Variants in CACNA1C observed in about 807,000 individuals in gnomAD.
CACNA1C encodes voltage-dependent L-type calcium channel subunit alpha-1C.
A neutral mutation model predicts 229.0 loss-of-function variants in CACNA1C; 30 were observed. The observed-to-expected ratio is 0.13, with a 90% confidence interval of 0.10 to 0.18. CACNA1C has a LOEUF of 0.18. Among genes scored for constraint, CACNA1C ranks in the 10% least tolerant of loss-of-function variants. The pLI is 1.00. For synonymous variants in CACNA1C, 1,114 were observed against 1,132.5 expected, an observed-to-expected ratio of 0.98 and a Z score of 0.33; for missense variants, 1,658 against 2,845.0, an observed-to-expected ratio of 0.58 and a Z score of 9.49.
At chr12:2,028,357 A>G (rs924735884) in intron 1 of CACNA1C, among the ~76,000 whole-genome samples, 1 of 152,182 alleles carries the variant, frequency 6.6e-6, no homozygotes. Flanking sequence ...CATTGATTAA[A>G]TCATTGGAAA....
chr12:2,023,602 G>A (rs537479424), intron 1 of CACNA1C, among the ~76,000 whole-genome samples: 3 of 152,280 alleles, frequency 2.0e-5, no homozygotes, highest in African/African-American at 7.2e-5. Context: ...AGGAATGCAG[G>A]TTTCACAAAA....
intron 1 of CACNA1C, among the ~76,000 whole-genome samples, chr12:2,070,271 A>G (rs915795295): frequency 8.5e-5 from 13 of 152,260 alleles, no homozygotes; most frequent in African/African-American, 3.1e-4. Flanking sequence ...GGCCTTGCAT[A>G]TGAAACTACT....
At chr12:2,441,205 C>T (rs943203220) in intron 3 of CACNA1C, among the ~76,000 whole-genome samples, 3 of 152,174 alleles carry the variant, frequency 2.0e-5, no homozygotes, top group African/African-American at 7.2e-5. Flanking sequence ...TCTAGGTGGG[C>T]ACACACAAGC....
intron 7 of CACNA1C, among the ~76,000 whole-genome samples, chr12:2,496,065 C>T (rs931328507): frequency 1.4e-4 from 22 of 152,206 alleles, no homozygotes; most frequent in Admixed American, 7.2e-4. Context: ...TAGCATCAAA[C>T]ATAGAGCTTT....
intron 1 of CACNA1C, chr12:1,993,386 G>A (rs781574387): frequency 2.5e-6 from 4 of 1,609,908 alleles, no homozygotes; most frequent in Admixed American, 3.4e-5. Context: ...CTTTGGAGAA[G>A]CAGACCTAAA....
intron 11 of CACNA1C, among the ~76,000 whole-genome samples, chr12:2,561,696 G>A (rs1310900344): frequency 6.6e-6 from 1 of 152,158 alleles, no homozygotes; most frequent in Non-Finnish European, 1.5e-5. Flanking sequence ...AGAAGGGCAG[G>A]TGGAGCTGGG....
intron 1 of CACNA1C, among the ~76,000 whole-genome samples, chr12:2,043,642 CTTTTTTTTTTT>C (rs67625680): frequency 1.1e-5 from 1 of 91,382 alleles, no homozygotes; most frequent in Non-Finnish European, 2.0e-5. Flanking sequence ...ACAGAATATT[CTTTTTTTTTTT>C]TTTTTTTTTT....
intron 34 of CACNA1C, among the ~76,000 whole-genome samples, chr12:2,663,238 A>G (rs1304014111): frequency 1.3e-5 from 2 of 152,228 alleles, no homozygotes; most frequent in Non-Finnish European, 2.9e-5. Context: ...TAACTAACAA[A>G]GGGTTAAGAA....
At position 2,223,672 on chromosome 12, in the gene CACNA1C, T is replaced by C. The variant is rs1470531592; in HGVS notation, c.477+103242T>C. Among the ~76,000 whole-genome samples the C allele has an allele frequency of 2.0e-5, 3 of 152,208 alleles. No homozygotes were observed. The East Asian group carries it at 5.8e-4, about 29-fold the overall frequency. On this transcript the variant is annotated intron_variant, in intron 3 of 46. Transcript: ENST00000399655. ...ATCTCTCTGACTCTAAGACTCCTGC[T>C]CTGAAGTCCTCCATTATCCTTCCTC...
chr12:2,097,488 C>T (rs774247609), intron 1 of CACNA1C, among the ~76,000 whole-genome samples: 9 of 152,114 alleles, frequency 5.9e-5, no homozygotes, highest in Non-Finnish European at 1.2e-4. Context: ...TTTTCCATAG[C>T]GGTTGCACCA....
intron 29 of CACNA1C, among the ~76,000 whole-genome samples, chr12:2,619,675 C>G (rs2082317717): frequency 2.0e-5 from 3 of 152,120 alleles, no homozygotes; most frequent in Non-Finnish European, 4.4e-5. Context: ...ACCATTCCCT[C>G]TCTTTCTCGG....
intron 1 of CACNA1C, among the ~76,000 whole-genome samples, chr12:1,988,819 A>G (rs1232620212): frequency 1.3e-5 from 2 of 152,214 alleles, no homozygotes; most frequent in Non-Finnish European, 2.9e-5. Context: ...TATTTATAGC[A>G]GTTTTTCCCA....
At chr12:2,106,251 C>G (rs12812822) in intron 1 of CACNA1C, among the ~76,000 whole-genome samples, 2 of 53,490 alleles carry the variant, frequency 3.7e-5, no homozygotes, top group South Asian at 7.0e-4. Flanking sequence ...GCTGGGCGTC[C>G]TGAAGCCACT....
intron 3 of CACNA1C, among the ~76,000 whole-genome samples, chr12:2,312,611 G>A (rs984608913): frequency 6.6e-6 from 1 of 152,144 alleles, no homozygotes. Flanking sequence ...CTGGGTGTCT[G>A]CTTTGGGTGT....
At chr12:2,573,027 C>A (rs1339606050) in intron 13 of CACNA1C, among the ~76,000 whole-genome samples, 1 of 150,536 alleles carries the variant, frequency 6.6e-6, no homozygotes, top group African/African-American at 2.4e-5. Context: ...CCTCCTTCTT[C>A]TTCCTTTTCT....
At chr12:2,142,474 G>T (rs577614001) in intron 3 of CACNA1C, among the ~76,000 whole-genome samples, 2 of 151,378 alleles carry the variant, frequency 1.3e-5, no homozygotes, top group African/African-American at 4.8e-5. Flanking sequence ...ACTGATTTAC[G>T]TATTTACTGT....
chr12:2,536,267 C>A (rs547094175), intron 9 of CACNA1C, among the ~76,000 whole-genome samples: 1 of 152,166 alleles, frequency 6.6e-6, no homozygotes, highest in African/African-American at 2.4e-5. Flanking sequence ...GCTTTGTGAA[C>A]GGCAAAGAAC....
intron 8 of CACNA1C, among the ~76,000 whole-genome samples, chr12:2,506,705 G>A (rs544848541): frequency 1.3e-5 from 2 of 152,304 alleles, no homozygotes; most frequent in South Asian, 4.2e-4. Context: ...CTGGTAAGTA[G>A]CAGAACCAGA....
rs1569148521 is a variant in CACNA1C, at chr12:2,667,279, A to ACTCCGTGCTCCTTTTCTCCCTCCT, written c.4623+501_4623+502insGTGCTCCTTTTCTCCCTCCTCTCC. Among the ~76,000 whole-genome samples the ACTCCGTGCTCCTTTTCTCCCTCCT allele has an allele frequency of 1.3e-4, 20 of 151,672 alleles. 1 individual carries two copies. The highest frequency in any genetic ancestry group is 4.6e-4 in the African/African-American group (19 of 41,298). ...TTTCTCCCTCCCCTCCACCATGGCC[A>ACTCCGTGCTCCTTTTCTCCCTCCT]CTCCACGCTCCTTTTCTCCCTCCTC... On this transcript the variant is annotated intron_variant, in intron 37 of 46. Coordinates refer to ENST00000399655, the MANE Select transcript of CACNA1C (RefSeq NM_000719.7).
Sources: gnomAD v4.1 joint callset for allele counts (sites outside exome capture counted in the v4.1 genomes callset) on GRCh38, gnomAD v4.1.1 for gene constraint, MANE v1.5 for transcripts, NCBI Gene and HGNC (gene_info 2026-07-23, HGNC 2026-07-21) for gene names.